The following CAMTA1 variants were observed in gnomAD, a reference collection of about 807,000 sequenced individuals.
CAMTA1 encodes the protein calmodulin binding transcription activator 1, also known as calmodulin-binding transcription activator 1.
In CAMTA1, 27 loss-of-function variants were observed where a neutral mutation model predicts 170.9. The ratio of observed to expected loss-of-function variants is 0.16; its 90% CI spans 0.12 to 0.22. CAMTA1 has a LOEUF of 0.22. Among genes scored for constraint, CAMTA1 ranks in the 10% least tolerant of loss-of-function variants. The probability of loss-of-function intolerance (pLI) is 1.00; values close to 1 mark genes in which losing one functional copy is unlikely to be tolerated. For missense variants in CAMTA1, 1,619 were observed against 2,217.2 expected (o/e 0.73, Z 5.42); for synonymous variants, 833 against 891.5 (o/e 0.93, Z 1.17).
intron 5 of CAMTA1, among the ~76,000 whole-genome samples, chr1:7,328,386 T>C (rs1207095826): frequency 1.3e-5 from 2 of 152,128 alleles, no homozygotes; most frequent in Non-Finnish European, 2.9e-5. Flanking sequence ...TCCCAGCTAC[T>C]TGGGAGGCTG....
intron 5 of CAMTA1, among the ~76,000 whole-genome samples, chr1:7,452,335 C>A (rs767317189): frequency 2.0e-5 from 3 of 152,166 alleles, no homozygotes; most frequent in African/African-American, 7.2e-5. Context: ...CTTGTCTGTG[C>A]CTGGGCCACG....
chr1:7,255,118 C>T (rs1033785855), intron 5 of CAMTA1, among the ~76,000 whole-genome samples: 3 of 152,048 alleles, frequency 2.0e-5, no homozygotes, highest in African/African-American at 7.2e-5. Flanking sequence ...AGGGGAACAT[C>T]ACATACCTGG....
chr1:7,591,759 C>T (rs866189150), intron 6 of CAMTA1, among the ~76,000 whole-genome samples: 2 of 152,194 alleles, frequency 1.3e-5, no homozygotes, highest in East Asian at 1.9e-4. Context: ...CATGGTCCAC[C>T]GTGCTCAGGC....
chr1:7,272,154 C>G (rs1003462672), intron 5 of CAMTA1, among the ~76,000 whole-genome samples: 1 of 151,828 alleles, frequency 6.6e-6, no homozygotes, highest in Non-Finnish European at 1.5e-5. Flanking sequence ...ATAATAGCAT[C>G]AAGAAGAATA....
intron 5 of CAMTA1, among the ~76,000 whole-genome samples, chr1:7,260,410 A>G (rs1389998131): frequency 6.6e-6 from 1 of 152,210 alleles, no homozygotes; most frequent in South Asian, 2.1e-4. Flanking sequence ...TTCTTCTTGA[A>G]TTGTCCTCAG....
In CAMTA1 at chr1:7,230,435, C is replaced by T. The variant is rs866853937; in HGVS notation, c.303-19056C>T. Among the ~76,000 whole-genome samples, 4 of 72,922 alleles carry T rather than the reference C, an allele frequency of 5.5e-5. No individual in the cohort carries two copies. The East Asian group carries it at 1.4e-3, about 26-fold the overall frequency. 47.8% of individuals were successfully genotyped at this position (72,922 alleles called of 152,430 possible). A position where few individuals can be genotyped will look rare whatever the true frequency, so the allele number is the denominator to read the frequency against. On this transcript the variant is annotated intron_variant, in intron 4 of 22. Transcript: ENST00000303635. ...GCTGGGCTGCTGCTCTGGGCTGACC[C>T]CCCCCCCCCGCCCCGCAAAGCTCTG...
intron 3 of CAMTA1, among the ~76,000 whole-genome samples, chr1:7,056,784 C>T (rs557387928): frequency 8.5e-5 from 13 of 152,066 alleles, no homozygotes; most frequent in Admixed American, 3.3e-4. Flanking sequence ...GGGAAAGTAC[C>T]GAAGCTTGTG....
chr1:7,380,931 C>T (rs1163164177), intron 5 of CAMTA1, among the ~76,000 whole-genome samples: 3 of 152,136 alleles, frequency 2.0e-5, no homozygotes, highest in Non-Finnish European at 4.4e-5. Context: ...ATTTATTGAG[C>T]ACTCACTCTG....
In CAMTA1 at chr1:7,462,222, G is replaced by A. The variant is rs560143199; in HGVS notation, c.439-5608G>A. The stretch of plus-strand genomic sequence containing the variant: ...GGCTCACCACAACCTCCGCCTCCTG[G>A]GTTCAAGCAATTCTCCTGCCTCAGC... On this transcript the variant is annotated intron_variant, in intron 5 of 22. Transcript: ENST00000303635. 7.2e-5 allele frequency among the ~76,000 whole-genome samples: 11 copies of A among 152,232 alleles called. 1 individual carries two copies. In the South Asian group the frequency reaches 2.3e-3, roughly 32 times the overall value.
chr1:7,271,654 T>A (rs1363049405), intron 5 of CAMTA1, among the ~76,000 whole-genome samples: 1 of 149,178 alleles, frequency 6.7e-6, no homozygotes, highest in Non-Finnish European at 1.5e-5. Flanking sequence ...AAAAAAAAGA[T>A]CAGTAGATAG....
intron 6 of CAMTA1, among the ~76,000 whole-genome samples, chr1:7,480,993 G>A (rs1047616139): frequency 6.6e-6 from 1 of 151,958 alleles, no homozygotes; most frequent in East Asian, 1.9e-4. Flanking sequence ...TCGATGGCTC[G>A]CCGTCATGCA....
At position 7,484,427 on chromosome 1, in the gene CAMTA1, G is replaced by A. The variant is rs1575560161; in HGVS notation, c.510+16526G>A. On this transcript the variant is annotated intron_variant, in intron 6 of 22. Transcript: ENST00000303635. Reference sequence around the variant, plus strand: ...CTCGGGCTAATTAACCCAAAACCAGGGGCTCAGTTTCCTCATCCGCAGAAT... The same window carrying A: ...CTCGGGCTAATTAACCCAAAACCAGAGGCTCAGTTTCCTCATCCGCAGAAT... Among the ~76,000 whole-genome samples the A allele has an allele frequency of 3.3e-5, 5 of 152,306 alleles. No individual in the cohort carries two copies. The South Asian group carries it at 8.3e-4, about 25-fold the overall frequency.
chr1:6,962,462 G>C (rs971032065), intron 3 of CAMTA1, among the ~76,000 whole-genome samples: 2 of 131,462 alleles, frequency 1.5e-5, no homozygotes, highest in Non-Finnish European at 3.3e-5. Context: ...TTTCCGTTTT[G>C]GTTCCTCTCT....
intron 6 of CAMTA1, among the ~76,000 whole-genome samples, chr1:7,568,047 A>G (rs1351408448): frequency 6.6e-6 from 1 of 152,152 alleles, no homozygotes; most frequent in Non-Finnish European, 1.5e-5. Context: ...TGATCAATAA[A>G]TGTTTACCAT....
Position 7,249,383 on chromosome 1 carries a change from G to A in CAMTA1, c.303-108G>A. ...GGTGAAAAATTATGTTCCAGCAAAT[G>A]TGGAATATTGCTTTTCTGTAGAGAC... On this transcript the variant is annotated intron_variant, in intron 4 of 22. Coordinates refer to ENST00000303635, the MANE Select transcript of CAMTA1 (RefSeq NM_015215.4). The surrounding 1 kb of genome is among the most constrained non-coding windows in gnomAD (Gnocchi z 4.4). 9.3e-7 allele frequency: 1 copy of A among 1,075,890 alleles called. No homozygotes were observed. The highest frequency in any genetic ancestry group is 1.3e-6 in the Non-Finnish European group (1 of 749,424). The allele number at this position is 1,075,890 out of a possible 1,614,324, so 66.6% of individuals were successfully genotyped here.
chr1:7,760,771 C>A (rs959565933), intron 22 of CAMTA1, among the ~76,000 whole-genome samples: 1 of 152,200 alleles, frequency 6.6e-6, no homozygotes, highest in Non-Finnish European at 1.5e-5. Flanking sequence ...TTGCAGCTCT[C>A]AAAGCAACAG....
chr1:7,330,194 C>T (rs1430683506), intron 5 of CAMTA1, among the ~76,000 whole-genome samples: 3 of 152,160 alleles, frequency 2.0e-5, no homozygotes, highest in African/African-American at 2.4e-5. Context: ...AGGCTCTGCA[C>T]GTGAGATCTC....
intron 3 of CAMTA1, among the ~76,000 whole-genome samples, chr1:6,890,326 T>C (rs1019973037): frequency 2.0e-5 from 3 of 152,214 alleles, no homozygotes; most frequent in Non-Finnish European, 4.4e-5. Flanking sequence ...TTACCAATGT[T>C]GAGATTTCCC....
chr1:7,688,412 G>A (rs917489200), intron 11 of CAMTA1, among the ~76,000 whole-genome samples: 3 of 152,184 alleles, frequency 2.0e-5, no homozygotes, highest in Non-Finnish European at 2.9e-5. Flanking sequence ...AGAGAGACCG[G>A]TCAGGGAATC....
Sources: allele counts gnomAD v4.1 joint callset (sites outside exome capture counted in the v4.1 genomes callset), GRCh38; gene constraint gnomAD v4.1.1; non-coding constraint Gnocchi (gnomAD v3.1); transcripts MANE v1.5; gene names NCBI Gene and HGNC (gene_info 2026-07-23, HGNC 2026-07-21).